NFIA: variants seen among roughly 807,000 people sequenced by gnomAD.
NFIA encodes the protein nuclear factor 1 A-type.
Under a neutral mutation model 62.8 loss-of-function variants are expected in NFIA, and 8 were observed. The observed-to-expected ratio is 0.13, with a 90% CI of 0.07 to 0.23. NFIA has a LOEUF of 0.23. NFIA is among the 10% of genes least tolerant of loss of function. The probability of loss-of-function intolerance (pLI) is 1.00; values close to 1 mark genes in which losing one functional copy is unlikely to be tolerated. For synonymous variants in NFIA, 235 were observed against 238.1 expected (o/e 0.99, Z 0.12); for missense variants, 410 against 642.1 (o/e 0.64, Z 3.91).
At chr1:61,370,989 A>G (rs1663852851) in intron 6 of NFIA, among the ~76,000 whole-genome samples, 1 of 152,094 alleles carries the variant, frequency 6.6e-6, no homozygotes, top group Non-Finnish European at 1.5e-5. Context: ...TGTTAGCCCC[A>G]CCCAGAAATC....
At chr1:61,376,260 T>C (rs1664145121) in intron 6 of NFIA, among the ~76,000 whole-genome samples, 1 of 152,194 alleles carries the variant, frequency 6.6e-6, no homozygotes, top group African/African-American at 2.4e-5. Context: ...CATTGTAATA[T>C]ATAGTCTAGG....
chr1:61,226,277 C>T (rs1654324156), intron 2 of NFIA, among the ~76,000 whole-genome samples: 1 of 152,190 alleles, frequency 6.6e-6, no homozygotes, highest in Admixed American at 6.5e-5. Context: ...CACTTAAAGA[C>T]TGTGTTTTAA....
At chr1:61,184,277 A>C (rs1650988326) in intron 2 of NFIA, among the ~76,000 whole-genome samples, 1 of 152,202 alleles carries the variant, frequency 6.6e-6, no homozygotes, top group Non-Finnish European at 1.5e-5. Context: ...TCCGCTCCTT[A>C]CATGGCGGCT....
intron 2 of NFIA, among the ~76,000 whole-genome samples, chr1:61,169,619 T>A (rs553724323): frequency 6.6e-6 from 1 of 152,342 alleles, no homozygotes; most frequent in South Asian, 2.1e-4. Context: ...TAATGTTCGG[T>A]GGTCAACCGA....
At position 61,458,977 on chromosome 1, in the gene NFIA, T is replaced by A. The variant is rs1668423071; in HGVS notation, c.*3657T>A. The A allele has an allele frequency of 6.6e-6, 1 of 152,220 alleles. No homozygotes were observed. Among genetic ancestry groups the A allele is most frequent in the South Asian group, 2.1e-4 (1 of 4,836 alleles). 9.4% of individuals were successfully genotyped at this position (152,220 alleles called of 1,614,324 possible). The stretch of plus-strand genomic sequence containing the variant: ...TAAGTATTAAATACACGAAGTTACA[T>A]TTTTGTTCATGTTTCATTGTCCAGA... On this transcript the variant is annotated 3_prime_UTR_variant, in exon 11 of 11. Transcript: ENST00000403491.
chr1:61,290,250 G>A (rs1466507384), intron 3 of NFIA, among the ~76,000 whole-genome samples: 1 of 151,920 alleles, frequency 6.6e-6, no homozygotes, highest in African/African-American at 2.4e-5. Flanking sequence ...TTTGTTAGAT[G>A]GCATAAAACA....
At position 61,217,926 on chromosome 1, in the gene NFIA, T is replaced by C. The variant is rs183539094; in HGVS notation, c.560-59594T>C. 3.3e-5 allele frequency among the ~76,000 whole-genome samples: 5 copies of C among 152,344 alleles called. No homozygotes were observed. The East Asian group carries it at 9.6e-4, about 29-fold the overall frequency. ...AAGGGCAGTTGTCATACCTATATTA[T>C]GGCACTGTTTTGAAGAAGAAATGAG... is the stretch of plus-strand genomic sequence containing the variant. On this transcript the variant is annotated intron_variant, in intron 2 of 10. Transcript: ENST00000403491.
At chr1:61,284,754 C>G (rs1268104970) in intron 3 of NFIA, among the ~76,000 whole-genome samples, 1 of 152,148 alleles carries the variant, frequency 6.6e-6, no homozygotes, top group Non-Finnish European at 1.5e-5. Flanking sequence ...AATGGACTGA[C>G]TGGGTGGTCT....
chr1:61,139,364 G>A (rs1162400805), intron 2 of NFIA, among the ~76,000 whole-genome samples: 8 of 152,170 alleles, frequency 5.3e-5, no homozygotes, highest in Non-Finnish European at 8.8e-5. Context: ...CTACTGGTCC[G>A]GGCAGGCTTT....
chr1:61,298,380 C>CAGTTCTTGGTGGT (rs1659308223), intron 3 of NFIA, among the ~76,000 whole-genome samples: 1 of 151,944 alleles, frequency 6.6e-6, no homozygotes, highest in Admixed American at 6.6e-5. Context: ...ATAAGTTACC[C>CAGTTCTTGGTGGT]AGTTCTTGGT....
intron 6 of NFIA, among the ~76,000 whole-genome samples, chr1:61,382,783 T>C (rs151164857): frequency 6.6e-6 from 1 of 152,228 alleles, no homozygotes; most frequent in Non-Finnish European, 1.5e-5. Flanking sequence ...GTTGAGGGTA[T>C]TCTTATGTTA....
At chr1:61,288,605 A>G (rs1175976368) in intron 3 of NFIA, among the ~76,000 whole-genome samples, 2 of 152,208 alleles carry the variant, frequency 1.3e-5, no homozygotes, top group South Asian at 2.1e-4. Context: ...GTGTGCCAGT[A>G]TGTTAGTTTG....
At chr1:61,082,162 C>A (rs559655219), upstream of NFIA, 329 of 703,554 alleles carry the variant, frequency 4.7e-4, 7 homozygotes, top group South Asian at 4.4e-3. Context: ...ACTGTAACTG[C>A]TCCTCACTGC....
chr1:61,351,313 C>T (rs1662537699), intron 4 of NFIA, among the ~76,000 whole-genome samples: 2 of 152,176 alleles, frequency 1.3e-5, no homozygotes, highest in African/African-American at 4.8e-5. Flanking sequence ...GCCTTCCTCA[C>T]TCATCATAGT....
chr1:61,389,405 A>G (rs1364104894), intron 7 of NFIA, among the ~76,000 whole-genome samples: 1 of 152,182 alleles, frequency 6.6e-6, no homozygotes, highest in Non-Finnish European at 1.5e-5. Flanking sequence ...GGAAACTCCA[A>G]ATTTTTAGCT....
intron 1 of NFIA, among the ~76,000 whole-genome samples, chr1:61,086,427 A>T (rs905963537): frequency 6.6e-6 from 1 of 152,176 alleles, no homozygotes; most frequent in South Asian, 2.1e-4. Flanking sequence ...CAGAAATTTT[A>T]AAAATGTTAA....
In NFIA at chr1:61,156,648, C is replaced by T. The variant is rs146998390; in HGVS notation, c.559+67968C>T. Among the ~76,000 whole-genome samples, 136 of 152,284 alleles carry T rather than the reference C, an allele frequency of 8.9e-4. 2 individuals carry two copies. Among genetic ancestry groups the T allele is most frequent in the African/African-American group, 2.9e-3 (119 of 41,562 alleles). On this transcript the variant is annotated intron_variant, in intron 2 of 10. Coordinates refer to ENST00000403491, the MANE Select transcript of NFIA (RefSeq NM_001134673.4). The stretch of plus-strand genomic sequence containing the variant: ...TACTACCGAAAATACATAGTTCTGT[C>T]GAAAGAGACCTTTTGACTGGTCCCC...
chr1:61,340,785 C>G (rs531294470), intron 4 of NFIA, among the ~76,000 whole-genome samples: 23 of 152,204 alleles, frequency 1.5e-4, no homozygotes, highest in Non-Finnish European at 3.1e-4. Flanking sequence ...AAGAGCCACT[C>G]TAGTGACCCT....
intron 2 of NFIA, among the ~76,000 whole-genome samples, chr1:61,217,054 TC>T: frequency 6.7e-6 from 1 of 148,588 alleles, no homozygotes; most frequent in Non-Finnish European, 1.5e-5. Flanking sequence ...CTTTTTTTTT[TC>T]TTTTTTCTTT....
Sources: gnomAD v4.1 joint callset for allele counts (sites outside exome capture counted in the v4.1 genomes callset) on GRCh38, gnomAD v4.1.1 for gene constraint, MANE v1.5 for transcripts, NCBI Gene and HGNC (gene_info 2026-07-23, HGNC 2026-07-21) for gene names.